The following LARGE1 variants were observed in gnomAD, a reference collection of about 807,000 sequenced individuals.
LARGE1 encodes the protein LARGE xylosyl- and glucuronyltransferase 1, also known as xylosyl- and glucuronyltransferase LARGE1.
A neutral mutation model predicts 87.6 loss-of-function variants in LARGE1; 43 were observed. The ratio of observed to expected loss-of-function variants is 0.49; its 90% CI spans 0.38 to 0.63. The LOEUF (loss-of-function observed/expected upper bound fraction) is 0.63. LARGE1 is among the 30% of genes least tolerant of loss of function. LARGE1 has a pLI of 0.00. For synonymous variants in LARGE1, 434 were observed against 394.6 expected, an observed-to-expected ratio of 1.10 and a Z score of -1.18; for missense variants, 802 against 1,000.2, an observed-to-expected ratio of 0.80 and a Z score of 2.67.
chr22:33,337,401 G>A (rs1200071755), intron 10 of LARGE1, among the ~76,000 whole-genome samples: 1 of 152,044 alleles, frequency 6.6e-6, no homozygotes, highest in African/African-American at 2.4e-5. Context: ...CCTCTGCTTG[G>A]AAACTCACTT....
chr22:33,698,824 T>C (rs552877912), intron 2 of LARGE1, among the ~76,000 whole-genome samples: 2 of 152,362 alleles, frequency 1.3e-5, no homozygotes, highest in East Asian at 1.9e-4. Context: ...ATTTGTGTGC[T>C]GTGCACCCTG....
At chr22:33,599,743 C>G (rs1346692507) in intron 5 of LARGE1, among the ~76,000 whole-genome samples, 1 of 152,190 alleles carries the variant, frequency 6.6e-6, no homozygotes, top group Non-Finnish European at 1.5e-5. Context: ...TTTCCAACAG[C>G]TGTACAAAGT....
intron 11 of LARGE1, among the ~76,000 whole-genome samples, chr22:33,224,470 C>A (rs753027804): frequency 6.6e-6 from 1 of 152,086 alleles, no homozygotes; most frequent in East Asian, 1.9e-4. Flanking sequence ...CTTTTTGCCT[C>A]AAGTGATTTG....
chr22:33,616,350 C>CA (rs2079579666), intron 4 of LARGE1, among the ~76,000 whole-genome samples: 1 of 151,436 alleles, frequency 6.6e-6, no homozygotes, highest in Non-Finnish European at 1.5e-5. Flanking sequence ...CTCCCAAAAA[C>CA]AAAAAAATAA....
At chr22:33,148,256 G>C in the LARGE1 span, among the ~76,000 whole-genome samples, 1 of 152,174 alleles carries the variant, frequency 6.6e-6, no homozygotes, top group African/African-American at 2.4e-5. Context: ...ACCTGTTATA[G>C]CAACAGAAAA....
intron 1 of LARGE1, among the ~76,000 whole-genome samples, chr22:33,787,562 C>A (rs369498837): frequency 2.7e-4 from 41 of 152,324 alleles, no homozygotes; most frequent in African/African-American, 9.6e-4. Context: ...TTCCAGACCC[C>A]ATTCACCACA....
chr22:33,481,340 T>C (rs576605629), intron 6 of LARGE1, among the ~76,000 whole-genome samples: 2 of 152,148 alleles, frequency 1.3e-5, no homozygotes, highest in African/African-American at 4.8e-5. Flanking sequence ...GAGTTTTTTT[T>C]ATGTGTTAAA....
chr22:33,344,725 ATTGTTGG>A (rs1939552060), intron 9 of LARGE1, among the ~76,000 whole-genome samples: 1 of 150,994 alleles, frequency 6.6e-6, no homozygotes, highest in South Asian at 2.1e-4. Flanking sequence ...ATCACCCATC[ATTGTTGG>A]CTTGGGGGCA....
intron 7 of LARGE1, among the ~76,000 whole-genome samples, chr22:33,419,672 TTGTTGTTG>T (rs1234041591): frequency 7.0e-5 from 8 of 113,596 alleles, no homozygotes; most frequent in African/African-American, 2.3e-4. Context: ...ATCTTTGTTT[TTGTTGTTG>T]TTGTTGTTGT....
chr22:33,313,983 C>G (rs1016869038), intron 11 of LARGE1, among the ~76,000 whole-genome samples: 2 of 152,210 alleles, frequency 1.3e-5, no homozygotes, highest in Non-Finnish European at 2.9e-5. Context: ...CTGCATACTC[C>G]TTGAAGACAG....
chr22:33,695,926 GC>G (rs1403475477), intron 2 of LARGE1, among the ~76,000 whole-genome samples: 2 of 152,260 alleles, frequency 1.3e-5, no homozygotes, highest in Admixed American at 1.3e-4. Context: ...TATTGATTAA[GC>G]TTTGTTATAG....
Position 33,273,410 on chromosome 22 carries a change from A to C in LARGE1, c.*1017T>G. 5.0e-6 allele frequency: 2 copies of C among 398,758 alleles called. No individual in the cohort carries two copies. The highest frequency in any genetic ancestry group is 8.8e-6 in the Non-Finnish European group (2 of 226,068). 24.7% of individuals were successfully genotyped at this position (398,758 alleles called of 1,614,324 possible). Reference sequence around the variant, plus strand: ...CCAGATGGATACGTGAATCTTCAGAACTGGGCTTTCATGAATTATGAAAGT... The same window carrying C: ...CCAGATGGATACGTGAATCTTCAGACCTGGGCTTTCATGAATTATGAAAGT... On this transcript the variant is annotated 3_prime_UTR_variant, in exon 15 of 15. Transcript: ENST00000397394.
chr22:33,458,372 G>C (rs1481967968), intron 6 of LARGE1, among the ~76,000 whole-genome samples: 1 of 152,014 alleles, frequency 6.6e-6, no homozygotes, highest in Admixed American at 6.6e-5. Context: ...CCAAAGTGCT[G>C]GGATTACAGG....
chr22:33,186,806 A>G (rs945841466), intron 11 of LARGE1, among the ~76,000 whole-genome samples: 8 of 151,990 alleles, frequency 5.3e-5, no homozygotes, highest in Non-Finnish European at 1.0e-4. Context: ...ATCAAAATAC[A>G]TAAGTCAATT....
intron 11 of LARGE1, among the ~76,000 whole-genome samples, chr22:33,254,581 A>G (rs1297726819): frequency 6.6e-6 from 1 of 152,170 alleles, no homozygotes; most frequent in African/African-American, 2.4e-5. Flanking sequence ...ACTCAGTTTA[A>G]ATTCCAGGTC....
In LARGE1 at chr22:33,739,495, A is replaced by G. The variant is rs1197290062; in HGVS notation, c.106+21876T>C. 2.0e-5 allele frequency among the ~76,000 whole-genome samples: 3 copies of G among 152,324 alleles called. No homozygotes were observed. In the East Asian group the frequency reaches 5.8e-4, roughly 29 times the overall value. On this transcript the variant is annotated intron_variant, in intron 2 of 14. Transcript: ENST00000397394. ...AATTTACCCTGCAGCCACGCAAGAC[A>G]ATGAAGTTGGGAATTTCTATTTGAG...
intron 4 of LARGE1, among the ~76,000 whole-genome samples, chr22:33,615,721 A>G (rs2149031662): frequency 6.6e-6 from 1 of 152,296 alleles, no homozygotes; most frequent in Admixed American, 6.5e-5. Flanking sequence ...GACATGATCA[A>G]GAAAGTGAAA....
chr22:33,556,543 G>A (rs1602413838), intron 6 of LARGE1, among the ~76,000 whole-genome samples: 2 of 64,028 alleles, frequency 3.1e-5, no homozygotes, highest in Non-Finnish European at 7.2e-5. Flanking sequence ...AGGGAAGGAG[G>A]GAGGGAGGGA....
At chr22:33,073,298 C>T in the LARGE1 span, among the ~76,000 whole-genome samples, 3,326 of 152,280 alleles carry the variant, frequency 0.022, 117 homozygotes, top group African/African-American at 0.075. Flanking sequence ...CAATCCATCT[C>T]TGTAGAGTGG....
Sources: allele counts gnomAD v4.1 joint callset (sites outside exome capture counted in the v4.1 genomes callset), GRCh38; gene constraint gnomAD v4.1.1; transcripts MANE v1.5; gene names NCBI Gene and HGNC (gene_info 2026-07-23, HGNC 2026-07-21).